CSMD1: variants seen among roughly 807,000 people sequenced by gnomAD.
The protein encoded by CSMD1 is CUB and sushi domain-containing protein 1.
Under a neutral mutation model 417.5 loss-of-function variants are expected in CSMD1, and 213 were observed. The ratio of observed to expected loss-of-function variants is 0.51; its 90% CI spans 0.46 to 0.57. The LOEUF is 0.57. CSMD1 is among the 20% of genes least tolerant of loss of function. CSMD1 has a pLI of 0.00. For missense variants in CSMD1, 6,923 were observed against 4,529.7 expected (o/e 1.53, Z -15.17); for synonymous variants, 2,862 against 1,736.8 (o/e 1.65, Z -16.11).
chr8:2,948,185 G>T (rs950208107), intron 68 of CSMD1, among the ~76,000 whole-genome samples: 3 of 151,966 alleles, frequency 2.0e-5, no homozygotes, highest in Non-Finnish European at 2.9e-5. Flanking sequence ...TTTATTTGTG[G>T]GTTGCAACAA....
At chr8:3,351,363 C>G (rs930437531) in intron 21 of CSMD1, among the ~76,000 whole-genome samples, 1 of 151,988 alleles carries the variant, frequency 6.6e-6, no homozygotes, top group African/African-American at 2.4e-5. Flanking sequence ...GTAATCCCAG[C>G]ACTTTCGGAG....
At chr8:3,435,516 C>T (rs536071153) in intron 12 of CSMD1, among the ~76,000 whole-genome samples, 2 of 152,224 alleles carry the variant, frequency 1.3e-5, no homozygotes, top group African/African-American at 2.4e-5. Flanking sequence ...CCACTCTGTC[C>T]ACCTCTCCAC....
intron 5 of CSMD1, among the ~76,000 whole-genome samples, chr8:3,775,848 C>A (rs1798861380): frequency 6.6e-6 from 1 of 152,212 alleles, no homozygotes; most frequent in African/African-American, 2.4e-5. Context: ...AGGGTTGTTA[C>A]TGACCTAGGA....
chr8:4,125,418 G>A (rs1802705489), intron 3 of CSMD1, among the ~76,000 whole-genome samples: 1 of 152,158 alleles, frequency 6.6e-6, no homozygotes, highest in Non-Finnish European at 1.5e-5. Flanking sequence ...CGAAACCAAT[G>A]CACATCTTTC....
intron 5 of CSMD1, among the ~76,000 whole-genome samples, chr8:3,891,205 C>G (rs1042547633): frequency 1.8e-4 from 27 of 151,996 alleles, no homozygotes; most frequent in African/African-American, 6.5e-4. Context: ...GCCATCATGC[C>G]TGGCTAATAT....
intron 5 of CSMD1, among the ~76,000 whole-genome samples, chr8:3,916,446 C>T (rs1017637012): frequency 1.3e-5 from 2 of 152,102 alleles, no homozygotes; most frequent in East Asian, 1.9e-4. Flanking sequence ...CTTATATGAA[C>T]CATGACATTA....
At chr8:2,979,561 G>A (rs1402052674) in intron 54 of CSMD1, among the ~76,000 whole-genome samples, 2 of 152,180 alleles carry the variant, frequency 1.3e-5, no homozygotes, top group East Asian at 3.9e-4. Flanking sequence ...TGTTCCAGAG[G>A]CCACAGTCTC....
chr8:3,468,176 T>C (rs77185049), intron 12 of CSMD1, among the ~76,000 whole-genome samples: 5,484 of 152,306 alleles, frequency 0.036, 176 homozygotes, highest in East Asian at 0.15. Flanking sequence ...GGGATCTTTT[T>C]CACAGGAAAT....
chr8:4,272,865 C>T (rs112041827), intron 3 of CSMD1, among the ~76,000 whole-genome samples: 5,218 of 152,042 alleles, frequency 0.034, 124 homozygotes, highest in African/African-American at 0.061. Flanking sequence ...ACAGATAAAA[C>T]GATAGATAAA....
chr8:4,353,266 G>A (rs1439971048), intron 3 of CSMD1, among the ~76,000 whole-genome samples: 1 of 152,038 alleles, frequency 6.6e-6, no homozygotes. Context: ...TAAGTCTCAG[G>A]AGATCTGATG....
Position 3,762,277 on chromosome 8 carries a change from G to C in CSMD1, c.819-8235C>G, listed in dbSNP as rs566315008. Among the ~76,000 whole-genome samples the C allele has an allele frequency of 2.6e-5, 4 of 152,168 alleles. No homozygotes were observed. In the East Asian group the frequency reaches 7.8e-4, roughly 30 times the overall value. ...TACCTGGAGATCAGCAGAAATATCTGCCCTGCATCCCACCTACTCTGCACC... is the reference window on the plus strand; with the variant it reads ...TACCTGGAGATCAGCAGAAATATCTCCCCTGCATCCCACCTACTCTGCACC... On this transcript the variant is annotated intron_variant, in intron 5 of 69. Coordinates refer to ENST00000635120, the MANE Select transcript of CSMD1 (RefSeq NM_033225.6).
At chr8:3,863,999 A>G (rs576307664) in intron 5 of CSMD1, among the ~76,000 whole-genome samples, 3 of 152,316 alleles carry the variant, frequency 2.0e-5, no homozygotes, top group East Asian at 3.9e-4. Context: ...TAGAAAATTC[A>G]TAAGGCAGAA....
rs2554515 is a variant in CSMD1 at position 3,950,808 on chromosome 8, T to G, written c.818+47095A>C. Among the ~76,000 whole-genome samples the G allele has an allele frequency of 7.9e-5, 12 of 152,184 alleles. No individual in the cohort carries two copies. In the South Asian group the frequency reaches 1.9e-3, roughly 24 times the overall value. On this transcript the variant is annotated intron_variant, in intron 5 of 69. Transcript: ENST00000635120. ...GTATAAACATATTCTTCGGTCATAA[T>G]AGGTTTAGTATATTAAAATACTGTG...
intron 23 of CSMD1, among the ~76,000 whole-genome samples, chr8:3,325,194 G>A (rs920538158): frequency 6.6e-6 from 1 of 152,134 alleles, no homozygotes; most frequent in East Asian, 1.9e-4. Flanking sequence ...TTCCTGAGAC[G>A]GTGTCCAGGT....
At chr8:3,444,329 C>G (rs1302707736) in intron 12 of CSMD1, among the ~76,000 whole-genome samples, 1 of 152,138 alleles carries the variant, frequency 6.6e-6, no homozygotes, top group African/African-American at 2.4e-5. Context: ...CAAGAACACA[C>G]TAAAAGGCAA....
At chr8:3,913,470 G>C (rs1027613892) in intron 5 of CSMD1, among the ~76,000 whole-genome samples, 2 of 152,140 alleles carry the variant, frequency 1.3e-5, no homozygotes, top group African/African-American at 4.8e-5. Context: ...ACTGGAAGAA[G>C]CAAGCCCTTG....
intron 1 of CSMD1, among the ~76,000 whole-genome samples, chr8:4,833,137 T>C (rs76089236): frequency 0.01 from 1,557 of 152,272 alleles, 6 homozygotes; most frequent in Non-Finnish European, 0.015. Context: ...GAGAGTAAAA[T>C]TGATATCCAC....
chr8:3,061,307 T>C (rs986256090), intron 49 of CSMD1, among the ~76,000 whole-genome samples: 11 of 152,172 alleles, frequency 7.2e-5, no homozygotes, highest in African/African-American at 2.7e-4. Flanking sequence ...CATTTATTAT[T>C]TTGTCATGAG....
At chr8:4,046,655 G>T (rs935870841) in intron 3 of CSMD1, among the ~76,000 whole-genome samples, 1 of 152,120 alleles carries the variant, frequency 6.6e-6, no homozygotes, top group African/African-American at 2.4e-5. Context: ...GTGCAGATAG[G>T]ATATACACTG....
Sources: gnomAD v4.1 joint callset for allele counts (sites outside exome capture counted in the v4.1 genomes callset) on GRCh38, gnomAD v4.1.1 for gene constraint, MANE v1.5 for transcripts, NCBI Gene and HGNC (gene_info 2026-07-23, HGNC 2026-07-21) for gene names.